The following ZNRF2 variants were observed in gnomAD, a reference collection of about 807,000 sequenced individuals.
The protein encoded by ZNRF2 is E3 ubiquitin-protein ligase ZNRF2.
In ZNRF2, 16 loss-of-function variants were observed where a neutral mutation model predicts 20.4. That is an observed-to-expected ratio of 0.79 (90% CI 0.53 to 1.19). The LOEUF (loss-of-function observed/expected upper bound fraction) is 1.19, where lower values mean the gene tolerates loss of function less well. ZNRF2 is among the 50% of genes most tolerant of loss of function. ZNRF2 has a pLI of 0.00. For missense variants in ZNRF2, 363 were observed against 332.4 expected (o/e 1.09, Z -0.72); for synonymous variants, 178 against 144.9 (o/e 1.23, Z -1.64).
chr7:30,312,609 A>G (rs987917404), intron 1 of ZNRF2, among the ~76,000 whole-genome samples: 16 of 152,216 alleles, frequency 1.1e-4, no homozygotes, highest in Non-Finnish European at 2.1e-4. Flanking sequence ...CTCTGCGTTG[A>G]CATAGTTCTA....
chr7:30,327,352 A>G (rs180941338), intron 2 of ZNRF2, among the ~76,000 whole-genome samples: 15 of 152,222 alleles, frequency 9.9e-5, no homozygotes, highest in East Asian at 1.9e-4. Context: ...TCCAGTTTCA[A>G]TCTTCTGCAT....
intron 3 of ZNRF2, among the ~76,000 whole-genome samples, chr7:30,359,569 C>G (rs940124932): frequency 1.2e-4 from 19 of 152,078 alleles, no homozygotes; most frequent in Admixed American, 1.2e-3. Context: ...ATGCTAACAA[C>G]GAGCTATATA....
chr7:30,304,611 T>A (rs1464580718), intron 1 of ZNRF2, among the ~76,000 whole-genome samples: 1 of 152,210 alleles, frequency 6.6e-6, no homozygotes, highest in Non-Finnish European at 1.5e-5. Context: ...CATTTTTCTG[T>A]GATAAAACTA....
chr7:30,314,347 A>G (rs1269549048), intron 1 of ZNRF2, among the ~76,000 whole-genome samples: 1 of 152,216 alleles, frequency 6.6e-6, no homozygotes, highest in African/African-American at 2.4e-5. Flanking sequence ...ATTGTACAAC[A>G]TAGCATCACA....
intron 1 of ZNRF2, among the ~76,000 whole-genome samples, chr7:30,313,367 A>G (rs1338750827): frequency 6.6e-6 from 1 of 152,158 alleles, no homozygotes; most frequent in African/African-American, 2.4e-5. Flanking sequence ...TGAAACTAAC[A>G]TATTGCTCAT....
intron 2 of ZNRF2, among the ~76,000 whole-genome samples, chr7:30,345,451 GATAGTGGATAT>G (rs1285636482): frequency 2.0e-5 from 3 of 151,858 alleles, no homozygotes; most frequent in Non-Finnish European, 4.4e-5. Context: ...ATTGAGGCTA[GATAGTGGATAT>G]ATAGTGTTCT....
At chr7:30,350,027 C>T (rs1799939296) in intron 2 of ZNRF2, among the ~76,000 whole-genome samples, 1 of 152,004 alleles carries the variant, frequency 6.6e-6, no homozygotes. Flanking sequence ...ATTTCCTAGA[C>T]AACTTGTGTG....
Position 30,285,359 on chromosome 7 carries a change from TG to T in ZNRF2, c.5del (p.Gly2?). [M>X]GAKQSGPAAA... ...GGCCCGGCCCGGGGCAGGGCGGACA[TG>T]GGCGCCAAACAGAGCGGCCCGGCCG... On this transcript the variant is annotated frameshift_variant and start_lost, in exon 1 of 5. Transcript: ENST00000323037. LOFTEE classifies it high-confidence loss of function. 8.5e-7 allele frequency: 1 copy of T among 1,178,592 alleles called. No individual in the cohort carries two copies. The highest frequency in any genetic ancestry group is 1.1e-6 in the Non-Finnish European group (1 of 944,786). The allele number at this position is 1,178,592 out of a possible 1,614,324, so 73.0% of individuals were successfully genotyped here.
intron 2 of ZNRF2, among the ~76,000 whole-genome samples, chr7:30,330,761 A>G (rs1799625156): frequency 6.6e-6 from 1 of 151,062 alleles, no homozygotes; most frequent in Admixed American, 6.6e-5. Context: ...TTTTTTTTTA[A>G]CTGAAGTTAA....
intron 1 of ZNRF2, among the ~76,000 whole-genome samples, chr7:30,314,051 T>A (rs535937987): frequency 6.6e-6 from 1 of 152,328 alleles, no homozygotes; most frequent in East Asian, 1.9e-4. Flanking sequence ...TAAGTTGACT[T>A]TTCTACCGTT....
intron 2 of ZNRF2, among the ~76,000 whole-genome samples, chr7:30,335,893 G>A (rs1486221516): frequency 6.7e-6 from 1 of 148,758 alleles, no homozygotes; most frequent in Non-Finnish European, 1.5e-5. Flanking sequence ...TGTGTTGGAA[G>A]GGGGGAAAGA....
At chr7:30,299,139 A>G (rs996060032) in intron 1 of ZNRF2, among the ~76,000 whole-genome samples, 1 of 152,100 alleles carries the variant, frequency 6.6e-6, no homozygotes, top group African/African-American at 2.4e-5. Flanking sequence ...AAAAATTTGG[A>G]TGATGCCCCT....
chr7:30,315,742 T>TGGGGGG (rs1799362861), intron 1 of ZNRF2, among the ~76,000 whole-genome samples: 1 of 32,650 alleles, frequency 3.1e-5, no homozygotes, highest in African/African-American at 8.0e-5. Flanking sequence ...GGGGGGGGGT[T>TGGGGGG]GGGTATAAAG....
chr7:30,322,671 A>C (rs1184988198), intron 1 of ZNRF2, among the ~76,000 whole-genome samples: 1 of 152,188 alleles, frequency 6.6e-6, no homozygotes, highest in Non-Finnish European at 1.5e-5. Flanking sequence ...ATTTCCAAAA[A>C]AAAAAAAAAT....
chr7:30,327,622 A>T (rs1208090735), intron 2 of ZNRF2, among the ~76,000 whole-genome samples: 1 of 152,116 alleles, frequency 6.6e-6, no homozygotes, highest in Non-Finnish European at 1.5e-5. Flanking sequence ...AATAAATTTC[A>T]TGCAATAAGT....
intron 1 of ZNRF2, among the ~76,000 whole-genome samples, chr7:30,290,542 A>C (rs534865255): frequency 4.9e-4 from 75 of 152,368 alleles, no homozygotes; most frequent in African/African-American, 1.3e-3. Flanking sequence ...TCTTCAAAGT[A>C]AGCAAAGGAA....
At chr7:30,353,050 C>T (rs973246362) in intron 2 of ZNRF2, among the ~76,000 whole-genome samples, 6 of 152,024 alleles carry the variant, frequency 3.9e-5, no homozygotes, top group Admixed American at 3.9e-4. Flanking sequence ...TAATCACATT[C>T]CACAGTGAAT....
intron 2 of ZNRF2, among the ~76,000 whole-genome samples, chr7:30,339,592 C>G (rs987269611): frequency 6.6e-6 from 1 of 152,150 alleles, no homozygotes; most frequent in Non-Finnish European, 1.5e-5. Flanking sequence ...GGTGTTATTT[C>G]TGAGGCCTTT....
At chr7:30,363,782 T>G (rs952548551) in intron 4 of ZNRF2, among the ~76,000 whole-genome samples, 6 of 152,122 alleles carry the variant, frequency 3.9e-5, no homozygotes, top group African/African-American at 1.4e-4. Flanking sequence ...ATTTCACAAG[T>G]GCATTAAATT....
Sources: gnomAD v4.1 joint callset for allele counts (sites outside exome capture counted in the v4.1 genomes callset) on GRCh38, gnomAD v4.1.1 for gene constraint, MANE v1.5 for transcripts, NCBI Gene and HGNC (gene_info 2026-07-23, HGNC 2026-07-21) for gene names.